The following KCNMA1 variants were observed in gnomAD, a reference collection of about 807,000 sequenced individuals.
KCNMA1 encodes Calcium-activated potassium channel subunit alpha-1.
Under a neutral mutation model 140.0 loss-of-function variants are expected in KCNMA1, and 29 were observed. That is an observed-to-expected ratio of 0.21 (90% CI 0.15 to 0.28). The LOEUF (loss-of-function observed/expected upper bound fraction) is 0.28, where lower values mean the gene tolerates loss of function less well. Ranked by LOEUF, KCNMA1 falls within the 10% of genes least tolerant of loss-of-function variation. The pLI, the probability that KCNMA1 is intolerant of heterozygous loss-of-function variation, is 1.00. For synonymous variants in KCNMA1, 612 were observed against 611.9 expected, an observed-to-expected ratio of 1.00 and a Z score of 0.00; for missense variants, 880 against 1,602.2, an observed-to-expected ratio of 0.55 and a Z score of 7.70.
chr10:77,636,546 T>C (rs556489249), intron 1 of KCNMA1: 38 of 1,536,030 alleles, frequency 2.5e-5, no homozygotes, highest in Non-Finnish European at 3.1e-5. Context: ...GCCGAAGAAC[T>C]TGGGGTATGT....
At chr10:77,006,906 G>A (rs1196393758) in intron 18 of KCNMA1, among the ~76,000 whole-genome samples, 1 of 151,622 alleles carries the variant, frequency 6.6e-6, no homozygotes, top group Non-Finnish European at 1.5e-5. Context: ...AATTGAAGAA[G>A]GTCATCATTG....
downstream of KCNMA1, among the ~76,000 whole-genome samples, chr10:76,883,038 C>T (rs1043021535): frequency 3.9e-5 from 6 of 152,140 alleles, no homozygotes; most frequent in Non-Finnish European, 8.8e-5. Flanking sequence ...CACCTTTAGG[C>T]TTTTCCCATG....
chr10:77,563,201 G>T (rs2066978939), intron 1 of KCNMA1, among the ~76,000 whole-genome samples: 1 of 152,110 alleles, frequency 6.6e-6, no homozygotes, highest in Non-Finnish European at 1.5e-5. Context: ...AGCACTAATA[G>T]TGTTCACAGA....
intron 5 of KCNMA1, among the ~76,000 whole-genome samples, chr10:77,171,199 T>C (rs1323555696): frequency 6.6e-6 from 1 of 152,286 alleles, no homozygotes; most frequent in Non-Finnish European, 1.5e-5. Context: ...CCAGGTGTAC[T>C]GAATCTGAAA....
chr10:77,629,809 A>T (rs749898898), intron 1 of KCNMA1, among the ~76,000 whole-genome samples: 17 of 152,198 alleles, frequency 1.1e-4, no homozygotes, highest in Non-Finnish European at 2.1e-4. Context: ...AACAACAATA[A>T]TTATAACCAG....
intron 5 of KCNMA1, among the ~76,000 whole-genome samples, chr10:77,162,504 G>A (rs562256101): frequency 1.3e-5 from 2 of 152,178 alleles, no homozygotes; most frequent in Admixed American, 6.5e-5. Flanking sequence ...AAGAAAAGAT[G>A]GGGGTTTTTG....
At chr10:77,447,499 T>G (rs1307868734) in intron 1 of KCNMA1, among the ~76,000 whole-genome samples, 1 of 152,250 alleles carries the variant, frequency 6.6e-6, no homozygotes, top group African/African-American at 2.4e-5. Flanking sequence ...TTCTACTTGC[T>G]GACGGAGCTC....
At chr10:76,882,096 C>A (rs1323073021), downstream of KCNMA1, among the ~76,000 whole-genome samples, 1 of 152,144 alleles carries the variant, frequency 6.6e-6, no homozygotes, top group Admixed American at 6.5e-5. Flanking sequence ...GGAAGGGCCC[C>A]AGAGCTGGGC....
chr10:77,090,535 C>G, intron 9 of KCNMA1, 25 bp from the exon 10 acceptor site: 1 of 1,504,402 alleles, frequency 6.6e-7, no homozygotes, highest in Non-Finnish European at 9.3e-7. Context: ...CCAGTTAGAT[C>G]AGGCCAGGCA....
chr10:76,961,517 A>G (rs1451933545), intron 20 of KCNMA1, among the ~76,000 whole-genome samples: 1 of 152,240 alleles, frequency 6.6e-6, no homozygotes, highest in Admixed American at 6.5e-5. Context: ...AAGCAGCAGC[A>G]GAGTATGAAA....
chr10:76,914,039 G>A (rs1426792149), intron 24 of KCNMA1: 7 of 1,532,058 alleles, frequency 4.6e-6, no homozygotes, highest in Non-Finnish European at 6.2e-6. Context: ...TGATGTGAAG[G>A]AAAACAGTGC....
intron 1 of KCNMA1, among the ~76,000 whole-genome samples, chr10:77,606,753 C>T (rs908592839): frequency 2.0e-5 from 3 of 152,148 alleles, no homozygotes; most frequent in African/African-American, 7.2e-5. Context: ...GTGGTCTCCT[C>T]TGGGAACTTG....
At chr10:77,016,740 C>G (rs2092115481) in intron 17 of KCNMA1, among the ~76,000 whole-genome samples, 1 of 152,064 alleles carries the variant, frequency 6.6e-6, no homozygotes, top group African/African-American at 2.4e-5. Context: ...AGCAAGTACC[C>G]AAATGCCCAT....
intron 15 of KCNMA1, among the ~76,000 whole-genome samples, chr10:77,036,043 C>T (rs1218534962): frequency 1.3e-5 from 2 of 152,180 alleles, no homozygotes; most frequent in African/African-American, 2.4e-5. Flanking sequence ...ATCTAATCAG[C>T]GGCCAGCATG....
intron 23 of KCNMA1, among the ~76,000 whole-genome samples, chr10:76,920,016 G>A (rs11001930): frequency 0.025 from 1,086 of 43,790 alleles, 9 homozygotes; most frequent in East Asian, 0.057. Flanking sequence ...GTGTGTGTGT[G>A]TGTGTATATA....
At chr10:77,059,507 T>C (rs2153662774) in intron 14 of KCNMA1, among the ~76,000 whole-genome samples, 1 of 152,180 alleles carries the variant, frequency 6.6e-6, no homozygotes, top group East Asian at 1.9e-4. Flanking sequence ...TCACACTAAC[T>C]AGGGTCTCTC....
intron 2 of KCNMA1, among the ~76,000 whole-genome samples, chr10:77,394,029 C>T (rs2095941527): frequency 6.6e-6 from 1 of 152,222 alleles, no homozygotes; most frequent in Admixed American, 6.5e-5. Context: ...GTGGATCACA[C>T]AGGTGGATGA....
At chr10:77,559,274 C>A (rs1338084502) in intron 1 of KCNMA1, among the ~76,000 whole-genome samples, 1 of 152,192 alleles carries the variant, frequency 6.6e-6, no homozygotes, top group Non-Finnish European at 1.5e-5. Context: ...AGCAGCTTCC[C>A]TGAATTCCTG....
At chr10:76,975,916 T>C (rs943877277) in intron 19 of KCNMA1, among the ~76,000 whole-genome samples, 2 of 152,122 alleles carry the variant, frequency 1.3e-5, no homozygotes, top group African/African-American at 4.8e-5. Flanking sequence ...CTAACATTAA[T>C]CCACAGATTA....
Sources: gnomAD v4.1 joint callset for allele counts (sites outside exome capture counted in the v4.1 genomes callset) on GRCh38, gnomAD v4.1.1 for gene constraint, MANE v1.5 for transcripts, NCBI Gene and HGNC (gene_info 2026-07-23, HGNC 2026-07-21) for gene names.